ARL15: variants seen among roughly 807,000 people sequenced by gnomAD.
ARL15 encodes ARF like GTPase 15, also known as ADP-ribosylation factor-like protein 15.
ARL15 carries 19 observed loss-of-function variants against 25.2 expected under a neutral mutation model. The ratio of observed to expected loss-of-function variants is 0.75; its 90% CI spans 0.53 to 1.10. The LOEUF (loss-of-function observed/expected upper bound fraction) is 1.10. Ranked by LOEUF, ARL15 falls within the 50% of genes least tolerant of loss-of-function variation. ARL15 has a pLI of 0.00. For synonymous variants in ARL15, 94 were observed against 86.8 expected (o/e 1.08, Z -0.46); for missense variants, 220 against 246.0 (o/e 0.89, Z 0.71).
At chr5:54,150,863 A>AC in intron 3 of ARL15, among the ~76,000 whole-genome samples, 1 of 151,830 alleles carries the variant, frequency 6.6e-6, no homozygotes, top group Non-Finnish European at 1.5e-5. Flanking sequence ...AAAAAAAAAA[A>AC]AAACCAAACC....
Position 54,089,138 on chromosome 5 carries a change from G to A in ARL15, c.462+24064C>T, listed in dbSNP as rs369211239. Among the ~76,000 whole-genome samples, 12 of 152,208 alleles carry A rather than the reference G, an allele frequency of 7.9e-5. No homozygotes were observed. The South Asian group carries it at 1.2e-3, about 16-fold the overall frequency. ...TCTAGTCTCAGCTCCAGCACCCCCC[G>A]CCTCAGGAAGCTGGCTCAGCCCACT... On this transcript the variant is annotated intron_variant, in intron 4 of 4. Coordinates refer to ENST00000504924, the MANE Select transcript of ARL15 (RefSeq NM_019087.3).
At chr5:54,185,852 G>A (rs758473193) in intron 1 of ARL15, among the ~76,000 whole-genome samples, 18 of 152,160 alleles carry the variant, frequency 1.2e-4, no homozygotes, top group African/African-American at 1.7e-4. Flanking sequence ...TCTTCTCATA[G>A]TAGATAATTA....
rs550792359 is a variant in ARL15 at position 53,987,960 on chromosome 5, G to A, written c.463-101247C>T. Among the ~76,000 whole-genome samples the A allele has an allele frequency of 1.4e-4, 21 of 152,092 alleles. No homozygotes were observed. In the South Asian group the frequency reaches 1.9e-3, roughly 14 times the overall value. The stretch of plus-strand genomic sequence containing the variant: ...TACTAAAAATACAAAAACATTAGCC[G>A]GGCATGGTGGCGTGCGCCTGTAGTC... On this transcript the variant is annotated intron_variant, in intron 4 of 4. Coordinates refer to ENST00000504924, the MANE Select transcript of ARL15 (RefSeq NM_019087.3).
intron 4 of ARL15, chr5:53,951,454 T>C: frequency 2.1e-6 from 1 of 468,316 alleles, no homozygotes; most frequent in South Asian, 1.6e-5. Flanking sequence ...AATTTCTGTA[T>C]TTATCTTCTT....
intron 4 of ARL15, among the ~76,000 whole-genome samples, chr5:54,108,895 TTAAA>T (rs1285585801): frequency 3.3e-5 from 5 of 151,738 alleles, no homozygotes; most frequent in Admixed American, 3.3e-4. Context: ...AAAGCGAAAA[TTAAA>T]TAAACTCTTC....
chr5:54,157,852 C>T (rs998558543), intron 2 of ARL15, among the ~76,000 whole-genome samples: 1 of 152,152 alleles, frequency 6.6e-6, no homozygotes, highest in East Asian at 1.9e-4. Flanking sequence ...ATTATTTTTA[C>T]GGTTTAGCTT....
intron 3 of ARL15, among the ~76,000 whole-genome samples, chr5:54,139,023 G>C (rs902116544): frequency 6.6e-6 from 1 of 152,136 alleles, no homozygotes; most frequent in Non-Finnish European, 1.5e-5. Flanking sequence ...ATAGATGTTG[G>C]TGTAGATATG....
chr5:53,907,262 T>C (rs1181602466), intron 4 of ARL15, among the ~76,000 whole-genome samples: 1 of 151,768 alleles, frequency 6.6e-6, no homozygotes, highest in Non-Finnish European at 1.5e-5. Context: ...ATACTGAAGT[T>C]AGCTTTCTTA....
rs577016135 is a variant in ARL15, at chr5:54,243,843, C to T, written c.48+66589G>A. 7.0e-4 allele frequency among the ~76,000 whole-genome samples: 106 copies of T among 152,286 alleles called. No homozygotes were observed. In the Middle Eastern group the frequency reaches 0.01, roughly 15 times the overall value. ...AACATTTGTCACAGACATTTAAGAT[C>T]TAGAGATTTCACACAAAATTTTGCA... On this transcript the variant is annotated intron_variant, in intron 1 of 4. Coordinates refer to ENST00000504924, the MANE Select transcript of ARL15 (RefSeq NM_019087.3).
intron 4 of ARL15, among the ~76,000 whole-genome samples, chr5:53,929,708 T>G (rs1310220275): frequency 6.6e-6 from 1 of 152,146 alleles, no homozygotes; most frequent in Non-Finnish European, 1.5e-5. Context: ...GGGTGAAAGG[T>G]CCAATGGACT....
At chr5:54,295,591 T>C (rs1160842750) in intron 1 of ARL15, among the ~76,000 whole-genome samples, 1 of 151,914 alleles carries the variant, frequency 6.6e-6, no homozygotes, top group Non-Finnish European at 1.5e-5. Context: ...CAAAAAATTA[T>C]AGGAAAAAGT....
At chr5:53,962,614 A>G (rs1420144168) in intron 4 of ARL15, among the ~76,000 whole-genome samples, 1 of 152,194 alleles carries the variant, frequency 6.6e-6, no homozygotes, top group Non-Finnish European at 1.5e-5. Context: ...AGGATTGATC[A>G]GAAATATATA....
At position 54,217,718 on chromosome 5, in the gene ARL15, G is replaced by T; in HGVS notation, c.49-45790C>A. On this transcript the variant is annotated intron_variant, in intron 1 of 4. Coordinates refer to ENST00000504924, the MANE Select transcript of ARL15 (RefSeq NM_019087.3). ...ACCGTAACGATCAGATGTTACCCTC[G>T]GTAGAATTAGAGGAAAAAACACTGA... Among the ~76,000 whole-genome samples the T allele has an allele frequency of 2.0e-5, 3 of 152,078 alleles. No individual in the cohort carries two copies. The South Asian group carries it at 6.2e-4, about 32-fold the overall frequency.
intron 3 of ARL15, among the ~76,000 whole-genome samples, chr5:54,142,134 C>T (rs571706843): frequency 6.6e-6 from 1 of 152,306 alleles, no homozygotes; most frequent in Admixed American, 6.5e-5. Context: ...TTTTCAAAAG[C>T]AGTTGTGCCA....
intron 4 of ARL15, among the ~76,000 whole-genome samples, chr5:53,910,643 A>T (rs1182956634): frequency 1.2e-5 from 1 of 83,482 alleles, no homozygotes. Context: ...TTATATATAT[A>T]TATATATATA....
chr5:53,972,279 T>C (rs1747779848), intron 4 of ARL15, among the ~76,000 whole-genome samples: 2 of 152,202 alleles, frequency 1.3e-5, no homozygotes, highest in Non-Finnish European at 2.9e-5. Context: ...CCCGCATTGA[T>C]AGTCATTTTT....
chr5:54,278,576 T>C (rs1420032493), intron 1 of ARL15, among the ~76,000 whole-genome samples: 1 of 152,252 alleles, frequency 6.6e-6, no homozygotes, highest in Non-Finnish European at 1.5e-5. Flanking sequence ...GTTATCTCCT[T>C]GGACCAGATG....
chr5:53,886,655 G>A lies in ARL15; in HGVS notation c.521C>T (p.Pro174Leu). The A allele has an allele frequency of 1.3e-6, 2 of 1,576,032 alleles. No individual in the cohort carries two copies. Among genetic ancestry groups the A allele is most frequent in the Non-Finnish European group, 1.7e-6 (2 of 1,159,312 alleles). The stretch of plus-strand genomic sequence containing the variant: ...TGCATCCATGTCATCCAGTGAGCAG[G>A]GCTGTAGAATCCAGCGTTTTCCACG... The part of the protein sequence containing the change: ...LARGKRWILQ[P>L]CSLDDMDALK... The change falls in exon 5 of 5, where the codon CCC becomes CTC. Residue 174 changes from proline to leucine, a missense_variant. Transcript: ENST00000504924.
At chr5:54,255,262 TA>T (rs1333186498) in intron 1 of ARL15, among the ~76,000 whole-genome samples, 1 of 152,100 alleles carries the variant, frequency 6.6e-6, no homozygotes, top group Non-Finnish European at 1.5e-5. Context: ...AAGGGAAGTT[TA>T]AAAGGAAAGT....
Sources: allele counts gnomAD v4.1 joint callset (sites outside exome capture counted in the v4.1 genomes callset), GRCh38; gene constraint gnomAD v4.1.1; transcripts MANE v1.5; gene names NCBI Gene and HGNC (gene_info 2026-07-23, HGNC 2026-07-21).